CP: variants seen among roughly 807,000 people sequenced by gnomAD.
The protein encoded by CP is caeruloplasmin.
CP carries 64 observed loss-of-function variants against 122.4 expected under a neutral mutation model. The observed-to-expected ratio is 0.52, with a 90% confidence interval of 0.43 to 0.64. The LOEUF (loss-of-function observed/expected upper bound fraction) is 0.64. CP is among the 30% of genes least tolerant of loss of function. The probability of loss-of-function intolerance (pLI) is 0.00; values close to 1 mark genes in which losing one functional copy is unlikely to be tolerated. For missense variants in CP, 1,167 were observed against 1,284.4 expected, an observed-to-expected ratio of 0.91 and a Z score of 1.40; for synonymous variants, 440 against 436.4, an observed-to-expected ratio of 1.01 and a Z score of -0.10.
chr3:149,221,202 A>G (rs1728787098), intron 1 of CP, among the ~76,000 whole-genome samples: 1 of 152,238 alleles, frequency 6.6e-6, no homozygotes, highest in Admixed American at 6.5e-5. Context: ...CTCTCAATAA[A>G]TATCAGGCAG....
At chr3:149,179,445 T>G (rs1273126137) in intron 15 of CP, 111 bp downstream of exon 15, 2 of 844,178 alleles carry the variant, frequency 2.4e-6, no homozygotes, top group Non-Finnish European at 3.9e-6. Flanking sequence ...AACAGTTTAT[T>G]TTCCTAGGAT....
At chr3:149,218,572 A>G (rs1342787895) in intron 1 of CP, among the ~76,000 whole-genome samples, 1 of 152,184 alleles carries the variant, frequency 6.6e-6, no homozygotes, top group African/African-American at 2.4e-5. Context: ...AACCCTGCAT[A>G]TAATCCCCTC....
At position 149,215,626 on chromosome 3, in the gene CP, T is replaced by G. The variant is rs546231276; in HGVS notation, c.147-2928A>C. Among the ~76,000 whole-genome samples the G allele has an allele frequency of 3.3e-5, 5 of 152,312 alleles. 1 individual carries two copies. Among genetic ancestry groups the G allele is most frequent in the Admixed American group, 3.3e-4 (5 of 15,304 alleles). On this transcript the variant is annotated intron_variant, in intron 1 of 18. Coordinates refer to ENST00000264613, the MANE Select transcript of CP (RefSeq NM_000096.4). ...TTTATGCTTTGTCTCCAAATAAACA[T>G]TAAAAGGTCATTAGGGGCTCTCTAT...
At chr3:149,172,324 A>G (rs906148336), downstream of CP, 2 of 643,304 alleles carry the variant, frequency 3.1e-6, no homozygotes, top group East Asian at 3.0e-5. Flanking sequence ...TATATCACAC[A>G]CACACACACA....
intron 1 of CP, among the ~76,000 whole-genome samples, chr3:149,221,059 G>A (rs189141555): frequency 2.0e-5 from 3 of 152,262 alleles, no homozygotes; most frequent in Admixed American, 6.5e-5. Flanking sequence ...ATGCACATAT[G>A]TGCCAAGCAT....
Position 149,198,485 on chromosome 3 carries a change from G to A in CP, c.1595C>T (p.Pro532Leu). The stretch of plus-strand genomic sequence containing the variant: ...ATAATACATCTTAGCTAGACACACA[G>A]GATCTGCATTAGTGGGTCCTACTTC... ...PKEVGPTNAD[P>L]VCLAKMYYSA... The change falls in exon 9 of 19, where the codon CCT becomes CTT. Residue 532 changes from proline (P) to leucine (L), a missense_variant. Coordinates refer to ENST00000264613, the MANE Select transcript of CP (RefSeq NM_000096.4). 1 of 1,614,040 alleles carries A rather than the reference G, an allele frequency of 6.2e-7. No homozygotes were observed. The highest frequency in any genetic ancestry group is 8.5e-7 in the Non-Finnish European group (1 of 1,179,896).
At chr3:149,180,983 G>A (rs1001854395) in intron 14 of CP, among the ~76,000 whole-genome samples, 11 of 151,170 alleles carry the variant, frequency 7.3e-5, no homozygotes, top group African/African-American at 2.7e-4. Context: ...CACTTCAGCC[G>A]CTTCCACCAT....
At chr3:149,175,664 AGTGTGT>A (rs60005904) in intron 18 of CP, among the ~76,000 whole-genome samples, 1 of 145,564 alleles carries the variant, frequency 6.9e-6, no homozygotes, top group Non-Finnish European at 1.5e-5. Flanking sequence ...CTCCATTTTA[AGTGTGT>A]GTGTGTGTGT....
Position 149,209,283 on chromosome 3 carries a change from T to TAA in CP, c.707_708dup (p.Lys237LeufsTer27), listed in dbSNP as rs1399695878. The TAA allele has an allele frequency of 6.2e-7, 1 of 1,613,882 alleles. No individual in the cohort carries two copies. Among genetic ancestry groups the TAA allele is most frequent in the Non-Finnish European group, 8.5e-7 (1 of 1,179,812 alleles). ...TTCTCTGGTTCTGAGCAGTAGGTTTTAATGTTGTCTTCTAGGTACCAGCTG... is the reference window on the plus strand; with the variant it reads ...TTCTCTGGTTCTGAGCAGTAGGTTTTAAAATGTTGTCTTCTAGGTACCAGCTG... On this transcript the variant is annotated frameshift_variant, in exon 4 of 19. Transcript: ENST00000264613. LOFTEE classifies it high-confidence loss of function.
chr3:149,181,975 C>CTGGGGGGGGGGGGGGGG, intron 14 of CP, 30 bp downstream of exon 14: 1 of 1,088,426 alleles, frequency 9.2e-7, no homozygotes. Context: ...TGTTAAAATG[C>CTGGGGGGGGGGGGGGGG]ACCACCCCCA....
At chr3:149,196,019 CTA>C (rs995152393) in intron 9 of CP, among the ~76,000 whole-genome samples, 9 of 152,168 alleles carry the variant, frequency 5.9e-5, no homozygotes, top group African/African-American at 2.2e-4. Context: ...GGTGGCAAAA[CTA>C]TGTGGAGAAG....
downstream of CP, chr3:149,167,851 A>G (rs777133486): frequency 7.1e-6 from 8 of 1,121,796 alleles, no homozygotes; most frequent in Admixed American, 1.7e-5. Flanking sequence ...TCTGAGAATA[A>G]AATGCATCAA....
At chr3:149,211,343 T>C (rs1246617486) in intron 2 of CP, among the ~76,000 whole-genome samples, 1 of 152,244 alleles carries the variant, frequency 6.6e-6, no homozygotes, top group African/African-American at 2.4e-5. Flanking sequence ...ATCTCTATTT[T>C]ATAGATGAGG....
At chr3:149,204,445 G>A (rs1727562645) in intron 6 of CP, among the ~76,000 whole-genome samples, 1 of 152,172 alleles carries the variant, frequency 6.6e-6, no homozygotes, top group Admixed American at 6.5e-5. Flanking sequence ...GAGGAGAGGA[G>A]TTTGAATAGC....
At chr3:149,213,182 A>G (rs557945159) in intron 1 of CP, among the ~76,000 whole-genome samples, 2 of 152,344 alleles carry the variant, frequency 1.3e-5, no homozygotes, top group Non-Finnish European at 2.9e-5. Flanking sequence ...TCCTTAAAGT[A>G]AGATTAATAA....
At chr3:149,192,376 T>C (rs890402369) in intron 9 of CP, among the ~76,000 whole-genome samples, 3 of 152,118 alleles carry the variant, frequency 2.0e-5, no homozygotes, top group Non-Finnish European at 4.4e-5. Flanking sequence ...CTTAGAGCCC[T>C]ACTCACCAAA....
At chr3:149,172,311 T>TTA (rs1258939824), downstream of CP, 2 of 786,864 alleles carry the variant, frequency 2.5e-6, no homozygotes, top group Admixed American at 2.1e-5. Context: ...GTTTTTTATT[T>TTA]TATATATCAC....
At chr3:149,196,419 A>T (rs183229335) in intron 9 of CP, among the ~76,000 whole-genome samples, 3 of 152,204 alleles carry the variant, frequency 2.0e-5, no homozygotes, top group Non-Finnish European at 4.4e-5. Flanking sequence ...TGTTTGCCCA[A>T]TAGCAACAAG....
downstream of CP, chr3:149,167,875 C>T (rs763208429): frequency 2.7e-6 from 4 of 1,466,440 alleles, no homozygotes; most frequent in Non-Finnish European, 3.8e-6. Context: ...AAAATTTATT[C>T]ATTTTTTCCT....
Sources: allele counts gnomAD v4.1 joint callset (sites outside exome capture counted in the v4.1 genomes callset), GRCh38; gene constraint gnomAD v4.1.1; transcripts MANE v1.5; gene names NCBI Gene and HGNC (gene_info 2026-07-23, HGNC 2026-07-21).